The following LLGL2 variants were observed in gnomAD, a reference collection of about 807,000 sequenced individuals.
LLGL2 encodes the protein LLGL scribble cell polarity complex component 2.
LLGL2 carries 81 observed loss-of-function variants against 123.2 expected under a neutral mutation model. That is an observed-to-expected ratio of 0.66 (90% CI 0.55 to 0.79). The LOEUF (loss-of-function observed/expected upper bound fraction) is 0.79. Ranked by LOEUF, LLGL2 falls within the 30% of genes least tolerant of loss-of-function variation. The probability of loss-of-function intolerance (pLI) is 0.00; values close to 1 mark genes in which losing one functional copy is unlikely to be tolerated. For missense variants in LLGL2, 1,273 were observed against 1,414.6 expected (o/e 0.90, Z 1.61); for synonymous variants, 577 against 594.1 (o/e 0.97, Z 0.42).
At chr17:75,547,279 G>A (rs935774842) in intron 2 of LLGL2, among the ~76,000 whole-genome samples, 2 of 152,228 alleles carry the variant, frequency 1.3e-5, no homozygotes, top group African/African-American at 4.8e-5. Flanking sequence ...CTGTCAGAGC[G>A]GTAACTCCAG....
At chr17:75,548,268 T>C (rs75779916) in intron 2 of LLGL2, among the ~76,000 whole-genome samples, 127,074 of 149,800 alleles carry the variant, frequency 0.85, 54,358 homozygotes, top group Middle Eastern at 0.92. Context: ...AGAAGGACAA[T>C]TTTTTTTTTC....
chr17:75,532,816 C>T (rs780420344), intron 1 of LLGL2, among the ~76,000 whole-genome samples: 4 of 152,144 alleles, frequency 2.6e-5, no homozygotes, highest in African/African-American at 7.2e-5. Flanking sequence ...AAGGGTATTC[C>T]GAACAGGATG....
At chr17:75,531,154 A>T (rs1438687999) in intron 1 of LLGL2, among the ~76,000 whole-genome samples, 1 of 152,086 alleles carries the variant, frequency 6.6e-6, no homozygotes, top group African/African-American at 2.4e-5. Flanking sequence ...TAGGAATGCC[A>T]TTGTGCCCCC....
rs1443723924 is a variant in LLGL2, at chr17:75,574,198, G to T, written c.2906-15G>T. The T allele has an allele frequency of 3.9e-6, 6 of 1,519,408 alleles. No individual in the cohort carries two copies. Among genetic ancestry groups the T allele is most frequent in the Non-Finnish European group, 5.3e-6 (6 of 1,130,674 alleles). The allele number at this position is 1,519,408 out of a possible 1,614,324, so 94.1% of individuals were successfully genotyped here. A position where few individuals can be genotyped will look rare whatever the true frequency, so the allele number is the denominator to read the frequency against. On this transcript the variant is annotated splice_polypyrimidine_tract_variant and intron_variant, in intron 22 of 25. Transcript: ENST00000392550. ...GGCCCAGGCGGGGCGCCCTGACCCG[G>T]CCTCTACCTTCCAGAGAAGCAGCCC...
Position 75,570,390 on chromosome 17 carries a change from A to G in LLGL2, c.1917A>G (p.Pro639=), listed in dbSNP as rs1309529619. ...GTGACCAGCTGGCCTTGGAGGGCCC[A>G]CTCTCCCGCGTCAAGTCCCTCAAGA... is the stretch of plus-strand genomic sequence containing the variant. The part of the protein sequence containing the change: ...HPSDQLALEG[P]LSRVKSLKKS... The change falls in exon 16 of 26, where the codon CCA becomes CCG. Residue 639 remains proline (P), a synonymous_variant. Coordinates refer to ENST00000392550, the MANE Select transcript of LLGL2 (RefSeq NM_001031803.2). 1 of 1,610,650 alleles carries G rather than the reference A, an allele frequency of 6.2e-7. No individual in the cohort carries two copies. The highest frequency in any genetic ancestry group is 1.1e-5 in the South Asian group (1 of 90,504).
intron 6 of LLGL2, among the ~76,000 whole-genome samples, chr17:75,560,012 G>A (rs1422075320): frequency 1.3e-5 from 2 of 152,180 alleles, no homozygotes; most frequent in Non-Finnish European, 2.9e-5. Flanking sequence ...GGGCCGGGTC[G>A]GTCATGGTGG....
At chr17:75,547,238 C>T (rs1024053440) in intron 2 of LLGL2, among the ~76,000 whole-genome samples, 5 of 152,194 alleles carry the variant, frequency 3.3e-5, no homozygotes, top group Admixed American at 6.5e-5. Context: ...TCTGTGATTG[C>T]GAACAGTCTC....
intron 1 of LLGL2, among the ~76,000 whole-genome samples, chr17:75,531,620 G>A (rs1439292202): frequency 6.6e-6 from 1 of 152,228 alleles, no homozygotes; most frequent in East Asian, 1.9e-4. Context: ...TCTGTCAGGA[G>A]CAGTTTGCAG....
chr17:75,557,882 T>C, intron 3 of LLGL2: 2 of 489,170 alleles, frequency 4.1e-6, no homozygotes, highest in Non-Finnish European at 3.8e-6. Flanking sequence ...GCCTGACAGT[T>C]GCCAGGGTAG....
intron 1 of LLGL2, among the ~76,000 whole-genome samples, chr17:75,536,866 C>T (rs2054021287): frequency 6.6e-6 from 1 of 152,178 alleles, no homozygotes; most frequent in Admixed American, 6.5e-5. Context: ...CTTTCTCTGT[C>T]ACCCAGGCTG....
chr17:75,526,629 G>C (rs1472545436), intron 1 of LLGL2, among the ~76,000 whole-genome samples: 1 of 151,982 alleles, frequency 6.6e-6, no homozygotes, highest in Non-Finnish European at 1.5e-5. Context: ...AGTGAGGAGG[G>C]CGCCCCTTCC....
At chr17:75,531,329 C>T (rs894780768) in intron 1 of LLGL2, among the ~76,000 whole-genome samples, 1 of 152,222 alleles carries the variant, frequency 6.6e-6, no homozygotes, top group Non-Finnish European at 1.5e-5. Context: ...CAGGAGCCAT[C>T]TAAGGAGTTT....
At chr17:75,543,323 C>A in intron 1 of LLGL2, 74 bp from the exon 2 acceptor site, 1 of 1,043,768 alleles carries the variant, frequency 9.6e-7, no homozygotes, top group South Asian at 1.6e-5. Flanking sequence ...AGGCCCTGCT[C>A]CACCTGTTTG....
chr17:75,563,736 ATTCCT>A lies in LLGL2; in HGVS notation c.827-7_827-3del, dbSNP rs756919874. 2.5e-6 allele frequency: 4 copies of A among 1,614,044 alleles called. No homozygotes were observed. The Admixed American group carries it at 5.0e-5, about 20-fold the overall frequency. On this transcript the variant is annotated splice_polypyrimidine_tract_variant and intron_variant, in intron 8 of 25. Transcript: ENST00000392550. ...AGAGTTTGAGGATCCGTTCAAGCCG[ATTCCT>A]TTCCTTTCAGGTCCCTTTCCTTGCA...
At chr17:75,540,393 A>C (rs1414044044) in intron 1 of LLGL2, among the ~76,000 whole-genome samples, 2 of 152,014 alleles carry the variant, frequency 1.3e-5, no homozygotes, top group African/African-American at 2.4e-5. Flanking sequence ...GAGTGAGGGG[A>C]TACCATGCCC....
At chr17:75,574,571 G>A in intron 24 of LLGL2, 39 bp from the exon 25 acceptor site, 6 of 1,606,874 alleles carry the variant, frequency 3.7e-6, no homozygotes, top group Non-Finnish European at 5.1e-6. Flanking sequence ...GAGAGTGGAG[G>A]TCCCTGAGGC....
Position 75,544,589 on chromosome 17 carries a change from G to A in LLGL2, c.75+1088G>A, listed in dbSNP as rs2054343672. On this transcript the variant is annotated intron_variant, in intron 2 of 25. Transcript: ENST00000392550. This position sits in a 1 kb window ranked among gnomAD's most constrained non-coding sequence, Gnocchi z 4.2. Reference sequence around the variant, plus strand: ...CACCATAGGCTTGTTAAGGGCGTACGTGGGGTGAGGTAACTTAAGTGCTAG... The same window carrying A: ...CACCATAGGCTTGTTAAGGGCGTACATGGGGTGAGGTAACTTAAGTGCTAG... Among the ~76,000 whole-genome samples, 1 of 152,354 alleles carries A rather than the reference G, an allele frequency of 6.6e-6. No homozygotes were observed. Among genetic ancestry groups the A allele is most frequent in the South Asian group, 2.1e-4 (1 of 4,832 alleles).
chr17:75,563,205 C>T lies in LLGL2; in HGVS notation c.693+27C>T, dbSNP rs182283633. ...TAGGCAGTGCCCAGGACATGGCAGG[C>T]GCCATGTTGCTCTCCCAGGGCCCCA... is the stretch of plus-strand genomic sequence containing the variant. On this transcript the variant is annotated intron_variant, in intron 7 of 25. Coordinates refer to ENST00000392550, the MANE Select transcript of LLGL2 (RefSeq NM_001031803.2). 2.7e-4 allele frequency: 441 copies of T among 1,611,126 alleles called. No individual in the cohort carries two copies. Among genetic ancestry groups the T allele is most frequent in the African/African-American group, 4.0e-4 (30 of 75,042 alleles).
chr17:75,528,464 C>A (rs981036424), intron 1 of LLGL2, among the ~76,000 whole-genome samples: 1 of 152,070 alleles, frequency 6.6e-6, no homozygotes, highest in East Asian at 1.9e-4. Flanking sequence ...AAAGGCCAGG[C>A]GTGGTGGCTT....
Sources: gnomAD v4.1 joint callset for allele counts (sites outside exome capture counted in the v4.1 genomes callset) on GRCh38, gnomAD v4.1.1 for gene constraint, Gnocchi (gnomAD v3.1) non-coding constraint, MANE v1.5 for transcripts, NCBI Gene and HGNC (gene_info 2026-07-23, HGNC 2026-07-21) for gene names.